Variants in RPL3L observed in about 807,000 individuals in gnomAD.
RPL3L encodes ribosomal protein L3 like.
RPL3L carries 44 observed loss-of-function variants against 44.5 expected under a neutral mutation model. The ratio of observed to expected loss-of-function variants is 0.99; its 90% confidence interval spans 0.78 to 1.27. The LOEUF (loss-of-function observed/expected upper bound fraction) is 1.27. Ranked by LOEUF, RPL3L falls within the 50% of genes most tolerant of loss-of-function variation. The pLI is 0.00. For synonymous variants in RPL3L, 292 were observed against 230.7 expected, an observed-to-expected ratio of 1.27 and a Z score of -2.41; for missense variants, 631 against 569.1, an observed-to-expected ratio of 1.11 and a Z score of -1.11.
At position 1,953,879 on chromosome 16, in the gene RPL3L, A is replaced by C. The variant is rs952682231; in HGVS notation, c.196+77T>G. ...CTGGGACTGTGGCCCTGTCTGGACC[A>C]AAAGCGTGAGTTCTGGCTCCGAGCA... On this transcript the variant is annotated intron_variant, in intron 2 of 9. Transcript: ENST00000268661. The C allele has an allele frequency of 2.2e-6, 3 of 1,367,682 alleles. No homozygotes were observed. The African/African-American group carries it at 4.5e-5, about 20-fold the overall frequency. 84.7% of individuals were successfully genotyped at this position (1,367,682 alleles called of 1,614,324 possible). A position where few individuals can be genotyped will look rare whatever the true frequency, so the allele number is the denominator to read the frequency against.
rs2083107115 is a variant in RPL3L at position 1,944,729 on chromosome 16, G to A, written c.*108C>T. The A allele has an allele frequency of 1.4e-6, 2 of 1,403,110 alleles. No homozygotes were observed. Among genetic ancestry groups the A allele is most frequent in the African/African-American group, 2.8e-5 (2 of 70,694 alleles). The allele number at this position is 1,403,110 out of a possible 1,614,324, so 86.9% of individuals were successfully genotyped here. ...GCAGCAGGCAAGGTGAACCCCTTGGGCGGTTACACAGCGCTCTGAGACCTC... is the reference window on the plus strand; with the variant it reads ...GCAGCAGGCAAGGTGAACCCCTTGGACGGTTACACAGCGCTCTGAGACCTC... On this transcript the variant is annotated 3_prime_UTR_variant, in exon 10 of 10. Transcript: ENST00000268661.
chr16:1,947,747 A>G (rs1346297243), intron 4 of RPL3L, among the ~76,000 whole-genome samples: 1 of 152,030 alleles, frequency 6.6e-6, no homozygotes, highest in Non-Finnish European at 1.5e-5. Flanking sequence ...CGAGGCAAAC[A>G]TTGGAGAGGC....
At chr16:1,949,159 T>G (rs1421379203) in intron 4 of RPL3L, among the ~76,000 whole-genome samples, 2 of 150,584 alleles carry the variant, frequency 1.3e-5, no homozygotes, top group Non-Finnish European at 3.0e-5. Flanking sequence ...TTTGTAGAGA[T>G]GAGGTCTCGT....
chr16:1,951,571 C>T (rs947265651), intron 3 of RPL3L, among the ~76,000 whole-genome samples: 16 of 151,864 alleles, frequency 1.1e-4, no homozygotes, highest in East Asian at 5.8e-4. Context: ...TTTGTAGAGA[C>T]GGGTTTCGTC....
Position 1,945,537 on chromosome 16 carries a change from C to T in RPL3L, c.1129G>A (p.Gly377Ser). The T allele has an allele frequency of 1.9e-6, 3 of 1,613,722 alleles. 1 individual carries two copies. The highest frequency in any genetic ancestry group is 2.2e-5 in the South Asian group (2 of 91,034). ...TTCTCTTGGGCTGTCTGGAAGCGGC[C>T]ATGGCCGAACTTGGAGGTGGTGTCA... ...FIDTTSKFGH[G>S]RFQTAQEKRA... Residue 377 changes from glycine (G) to serine (S), a missense_variant, in exon 9 of 10, where the codon GGC becomes AGC. By Grantham distance (56) the Gly-to-Ser change is moderately conservative (BLOSUM62 0). Transcript: ENST00000268661.
At chr16:1,953,712 G>A (rs1393341168) in intron 2 of RPL3L, among the ~76,000 whole-genome samples, 6 of 152,198 alleles carry the variant, frequency 3.9e-5, no homozygotes, top group East Asian at 3.8e-4. Flanking sequence ...TGCGCTTACC[G>A]CCCCGGTGAC....
intron 9 of RPL3L, 140 bp from the exon 10 acceptor site, chr16:1,945,033 A>G (rs2083110219): frequency 1.8e-6 from 2 of 1,089,124 alleles, no homozygotes; most frequent in Middle Eastern, 5.3e-4. Context: ...TCTTCTAAAG[A>G]ATCAGTGCCC....
intron 4 of RPL3L, among the ~76,000 whole-genome samples, chr16:1,948,830 C>T (rs1218950848): frequency 6.6e-6 from 1 of 152,058 alleles, no homozygotes; most frequent in Non-Finnish European, 1.5e-5. Context: ...ATTCTCCTAC[C>T]TCAGCCTCCC....
chr16:1,947,178 C>T lies in RPL3L; in HGVS notation c.688+16G>A. The T allele has an allele frequency of 2.5e-6, 4 of 1,612,408 alleles. No individual in the cohort carries two copies. The highest frequency in any genetic ancestry group is 1.1e-5 in the South Asian group (1 of 91,038). On this transcript the variant is annotated intron_variant, in intron 5 of 9. Coordinates refer to ENST00000268661, the MANE Select transcript of RPL3L (RefSeq NM_005061.3). The stretch of plus-strand genomic sequence containing the variant: ...AGGCAGCCTGCCCTGGAGCTGCCAT[C>T]CTCACTGAGCCCTACCTTTGACGCC...
chr16:1,945,917 T>C lies in RPL3L; in HGVS notation c.965A>G (p.His322Arg), dbSNP rs772337778. The C allele has an allele frequency of 6.2e-7, 1 of 1,611,888 alleles. No homozygotes were observed. The highest frequency in any genetic ancestry group is 1.7e-5 in the Admixed American group (1 of 59,832). ...KSITPLGGFPHYGEVNNDFVM... is the reference protein window; with the variant it reads ...KSITPLGGFPRYGEVNNDFVM... ...GAAGTCGTTGTTCACTTCCCCGTAG[T>C]GGGGGAAGCCACCCTGCAGAGGACA... Residue 322 changes from histidine (H) to arginine (R), a missense_variant, in exon 8 of 10, where the codon CAC becomes CGC. By Grantham distance (29) the His-to-Arg change is conservative (BLOSUM62 0). Transcript: ENST00000268661.
chr16:1,953,125 G>C (rs1483581136), intron 2 of RPL3L, 83 bp from the exon 3 acceptor site: 2 of 1,447,512 alleles, frequency 1.4e-6, no homozygotes, highest in Non-Finnish European at 1.9e-6. Flanking sequence ...CCACATAGGG[G>C]CAGGACAGGA....
intron 4 of RPL3L, among the ~76,000 whole-genome samples, chr16:1,948,161 T>A (rs1000807983): frequency 1.3e-5 from 2 of 151,800 alleles, no homozygotes; most frequent in Non-Finnish European, 1.5e-5. Context: ...ATGGTCTGCA[T>A]CTCCTGACCT....
Position 1,944,397 on chromosome 16 carries a change from G to T in RPL3L, c.*440C>A. On this transcript the variant is annotated 3_prime_UTR_variant, in exon 10 of 10. Coordinates refer to ENST00000268661, the MANE Select transcript of RPL3L (RefSeq NM_005061.3). ...TGGCCACCACCCAGGAGCTGACTCAGCGCAAGAAGACAGCTGACTCCCTGT... is the reference window on the plus strand; with the variant it reads ...TGGCCACCACCCAGGAGCTGACTCATCGCAAGAAGACAGCTGACTCCCTGT... 6.1e-6 allele frequency: 1 copy of T among 162,628 alleles called. No individual in the cohort carries two copies. Among genetic ancestry groups the T allele is most frequent in the Non-Finnish European group, 1.4e-5 (1 of 73,344 alleles). The allele number at this position is 162,628 out of a possible 1,614,324, so 10.1% of individuals were successfully genotyped here.
chr16:1,945,688 C>T, intron 8 of RPL3L, 70 bp from the exon 9 acceptor site: 1 of 1,608,554 alleles, frequency 6.2e-7, no homozygotes, highest in Non-Finnish European at 8.5e-7. Flanking sequence ...ACCTCCAAGC[C>T]CCACCAGGAA....
In RPL3L at chr16:1,947,218, C is replaced by A; in HGVS notation, c.664G>T (p.Val222Phe). The change falls in exon 5 of 10, where the codon GTC becomes TTC. Residue 222 changes from valine to phenylalanine, a missense_variant. By Grantham distance (50) the Val-to-Phe change is conservative. Transcript: ENST00000268661. ...CCTTTGACGCCTCGACCCTTGGTGA[C>A]AGCAATGACATCAATGACCTCACTC... The part of the protein sequence containing the change: ...SQSEVIDVIA[V>F]TKGRGVKGVT... 6.2e-7 allele frequency: 1 copy of A among 1,613,068 alleles called. No individual in the cohort carries two copies. The highest frequency in any genetic ancestry group is 8.5e-7 in the Non-Finnish European group (1 of 1,179,360).
intron 4 of RPL3L, among the ~76,000 whole-genome samples, chr16:1,949,009 C>CTT (rs34900670): frequency 1.4e-4 from 18 of 124,626 alleles, no homozygotes; most frequent in South Asian, 2.4e-4. Flanking sequence ...CCGCGCCTGG[C>CTT]TTTTTTTTTT....
intron 6 of RPL3L, 53 bp from the exon 7 acceptor site, chr16:1,946,779 G>A (rs778165909): frequency 6.0e-5 from 95 of 1,594,082 alleles, no homozygotes; most frequent in Non-Finnish European, 8.0e-5. Flanking sequence ...GAGGCCAGCA[G>A]CCCATCCAGG....
rs201191762 is a variant in RPL3L, at chr16:1,947,086, C to T, written c.701G>A (p.Arg234His). Residue 234 changes from arginine (R) to histidine (H), a missense_variant, in exon 6 of 10, where the codon CGC (arginine) becomes CAC (histidine). Physicochemically the swap from Arg to His is conservative, Grantham distance 29. Transcript: ENST00000268661. ...CCGCGGCAGCTTCTTGGTATGCCAG[C>T]GGCTTGTGACCCCTGTGAGTGAGAG... ...KGRGVKGVTS[R>H]WHTKKLPRKT... The T allele has an allele frequency of 5.1e-5, 82 of 1,613,564 alleles. No individual in the cohort carries two copies. The highest frequency in any genetic ancestry group is 3.3e-4 in the Middle Eastern group (2 of 6,062).
rs1308970568 is a variant in RPL3L at position 1,952,123 on chromosome 16, A to AT, written c.365+750dup. ...GCCACCACGCCCAGCTTATTTTTTT[A>AT]TTTTTATTTTTTTTTTTGTATTTTT... On this transcript the variant is annotated intron_variant, in intron 3 of 9. Transcript: ENST00000268661. 1.4e-4 allele frequency among the ~76,000 whole-genome samples: 21 copies of AT among 149,066 alleles called. No homozygotes were observed. The East Asian group carries it at 4.2e-3, about 30-fold the overall frequency.
Sources: gnomAD v4.1 joint callset for allele counts (sites outside exome capture counted in the v4.1 genomes callset) on GRCh38, gnomAD v4.1.1 for gene constraint, MANE v1.5 for transcripts, NCBI Gene and HGNC (gene_info 2026-07-23, HGNC 2026-07-21) for gene names.